The following CAPRIN1 variants were observed in gnomAD, a reference collection of about 807,000 sequenced individuals.
The protein encoded by CAPRIN1 is caprin-1.
CAPRIN1 carries 29 observed loss-of-function variants against 100.9 expected under a neutral mutation model. The observed-to-expected ratio is 0.29, with a 90% confidence interval of 0.21 to 0.39. The LOEUF is 0.39. CAPRIN1 is among the 10% of genes least tolerant of loss of function. The probability of loss-of-function intolerance (pLI) is 1.00; values close to 1 mark genes in which losing one functional copy is unlikely to be tolerated. For synonymous variants in CAPRIN1, 338 were observed against 307.5 expected (o/e 1.10, Z -1.04); for missense variants, 795 against 876.7 (o/e 0.91, Z 1.18).
chr11:34,075,847 A>T (rs1275396989), intron 4 of CAPRIN1, among the ~76,000 whole-genome samples: 1 of 152,252 alleles, frequency 6.6e-6, no homozygotes, highest in African/African-American at 2.4e-5. Flanking sequence ...ACCTAACTAA[A>T]GAAAACAATA....
chr11:34,085,456 A>G, intron 9 of CAPRIN1, among the ~76,000 whole-genome samples: 1 of 140,678 alleles, frequency 7.1e-6, no homozygotes, highest in Non-Finnish European at 1.7e-5. Flanking sequence ...TTTTAAGAAA[A>G]ATACATTATT....
chr11:34,083,296 A>ATT (rs776266744), intron 9 of CAPRIN1, among the ~76,000 whole-genome samples: 25 of 152,262 alleles, frequency 1.6e-4, no homozygotes, highest in Non-Finnish European at 2.9e-4. Context: ...TGTTACCATG[A>ATT]TTTGTCTCTT....
chr11:34,080,253 G>GT (rs1850999077), intron 7 of CAPRIN1, among the ~76,000 whole-genome samples: 2 of 152,138 alleles, frequency 1.3e-5, no homozygotes, highest in African/African-American at 2.4e-5. Flanking sequence ...ATTATCAAGA[G>GT]TAATTCCTAC....
chr11:34,084,102 GT>G (rs796818799), intron 9 of CAPRIN1, among the ~76,000 whole-genome samples: 28 of 146,802 alleles, frequency 1.9e-4, no homozygotes, highest in African/African-American at 3.2e-4. Context: ...AGATTGCAAA[GT>G]TTTTTTTTTT....
At chr11:34,058,432 C>T (rs775765452) in intron 2 of CAPRIN1, among the ~76,000 whole-genome samples, 6 of 152,208 alleles carry the variant, frequency 3.9e-5, no homozygotes, top group South Asian at 2.1e-4. Context: ...CCACCACACC[C>T]GGCCTCTTAA....
chr11:34,061,928 C>G (rs1160961454), intron 2 of CAPRIN1, among the ~76,000 whole-genome samples: 1 of 141,304 alleles, frequency 7.1e-6, no homozygotes, highest in Non-Finnish European at 1.5e-5. Flanking sequence ...CAAGATCGCA[C>G]CACTACACTC....
rs373621676 is a variant in CAPRIN1 at position 34,086,283 on chromosome 11, T to A, written c.1123-22T>A. On this transcript the variant is annotated intron_variant, in intron 10 of 18. Coordinates refer to ENST00000341394, the MANE Select transcript of CAPRIN1 (RefSeq NM_005898.5). ...AAGTGTTTATATTATTTGACTTTAT[T>A]CTATCCTAACTTAACCTGTAGGATT... The A allele has an allele frequency of 5.0e-6, 8 of 1,609,760 alleles. No individual in the cohort carries two copies. In the African/African-American group the frequency reaches 1.1e-4, roughly 22 times the overall value.
intron 2 of CAPRIN1, chr11:34,056,417 CTTAATG>C (rs1253853731): frequency 6.6e-6 from 1 of 152,146 alleles, no homozygotes; most frequent in African/African-American, 2.4e-5. Context: ...AATGCATGCT[CTTAATG>C]TTGATGAAAT....
chr11:34,095,468 C>G (rs1020329678), intron 15 of CAPRIN1, among the ~76,000 whole-genome samples: 1 of 152,202 alleles, frequency 6.6e-6, no homozygotes, highest in East Asian at 1.9e-4. Context: ...TAGGTATTCC[C>G]TAGTGCTTTC....
At position 34,071,932 on chromosome 11, in the gene CAPRIN1, A is replaced by G. The variant is rs1171566800; in HGVS notation, c.311A>G (p.Asn104Ser). 1 of 1,613,694 alleles carries G rather than the reference A, an allele frequency of 6.2e-7. No individual in the cohort carries two copies. Among genetic ancestry groups the G allele is most frequent in the Non-Finnish European group, 8.5e-7 (1 of 1,179,726 alleles). ...GTTTCTAAGTACCAGGAAGTCACAAATAATTTGGAGTTTGCAAAAGAATTA... is the reference window on the plus strand; with the variant it reads ...GTTTCTAAGTACCAGGAAGTCACAAGTAATTTGGAGTTTGCAAAAGAATTA... The part of the protein sequence containing the change: ...DAVSKYQEVT[N>S]NLEFAKELQR... Residue 104 changes from asparagine (N) to serine (S), a missense_variant, in exon 4 of 19, where the codon AAT becomes AGT. By Grantham distance (46) the Asn-to-Ser change is conservative. Around this residue, in one of 3 missense-constraint regions of CAPRIN1, gnomAD observed 38 missense variants for 92.3 expected, o/e 0.41. Coordinates refer to ENST00000341394, the MANE Select transcript of CAPRIN1 (RefSeq NM_005898.5).
rs921200862 is a variant in CAPRIN1 at position 34,072,098 on chromosome 11, A to G, written c.366+111A>G. 15 of 651,290 alleles carry G rather than the reference A, an allele frequency of 2.3e-5. No individual in the cohort carries two copies. In the East Asian group the frequency reaches 2.5e-4, roughly 11 times the overall value. 40.3% of individuals were successfully genotyped at this position (651,290 alleles called of 1,614,324 possible). On this transcript the variant is annotated intron_variant, in intron 4 of 18. Coordinates refer to ENST00000341394, the MANE Select transcript of CAPRIN1 (RefSeq NM_005898.5). ...CTGCAAGGTGAGACAGTTGTATCCA[A>G]TTATATCTAAGATGCCTTCACATTC...
chr11:34,099,212 C>T (rs1169847942), intron 18 of CAPRIN1, 91 bp from the exon 19 acceptor site: 1 of 1,552,582 alleles, frequency 6.4e-7, no homozygotes, highest in Non-Finnish European at 8.8e-7. Context: ...GACAGGCTGC[C>T]CACATGCTTC....
rs1851246192 is a variant in CAPRIN1, at chr11:34,090,686, A to G, written c.1554+8A>G. ...TTCCAATCCATGCAAACGGTAAGCA[A>G]ATTAACTAACATTAATTGCCTAGTA... On this transcript the variant is annotated splice_region_variant and intron_variant, in intron 14 of 18. Transcript: ENST00000341394. 5 of 1,610,476 alleles carry G rather than the reference A, an allele frequency of 3.1e-6. No individual in the cohort carries two copies. The South Asian group carries it at 3.3e-5, about 11-fold the overall frequency.
rs75537985 is a variant in CAPRIN1, at chr11:34,067,649, T to C, written c.217-4077T>C. Among the ~76,000 whole-genome samples the C allele has an allele frequency of 1.0e-2, 1,514 of 152,138 alleles. 13 individuals carry two copies. Among genetic ancestry groups the C allele is most frequent in the East Asian group, 0.038 (194 of 5,168 alleles). On this transcript the variant is annotated intron_variant, in intron 2 of 18. Transcript: ENST00000341394. ...GGACCATAGGCACTAAGTTAAAAAA[T>C]TTCCACGCCTCGGTAATTTTTAAAT... is the stretch of plus-strand genomic sequence containing the variant.
intron 2 of CAPRIN1, among the ~76,000 whole-genome samples, chr11:34,062,235 G>C (rs114553522): frequency 6.6e-6 from 1 of 152,162 alleles, no homozygotes; most frequent in Non-Finnish European, 1.5e-5. Flanking sequence ...GAGACAGTCA[G>C]CTGCCTACCA....
chr11:34,096,386 C>A, intron 15 of CAPRIN1, 93 bp from the exon 16 acceptor site: 2 of 784,912 alleles, frequency 2.5e-6, no homozygotes, highest in Non-Finnish European at 4.1e-6. Flanking sequence ...TTTAAGGAGA[C>A]TGTATAAGAC....
intron 11 of CAPRIN1, among the ~76,000 whole-genome samples, chr11:34,087,391 T>C (rs990643117): frequency 3.1e-5 from 4 of 131,022 alleles, no homozygotes; most frequent in African/African-American, 6.0e-5. Context: ...TGGAGTGCAG[T>C]GGCGCAATCT....
Position 34,076,655 on chromosome 11 carries a change from G to GTGAT in CAPRIN1, c.688+14_688+17dup. 1 of 1,551,512 alleles carries GTGAT rather than the reference G, an allele frequency of 6.4e-7. No individual in the cohort carries two copies. Among genetic ancestry groups the GTGAT allele is most frequent in the East Asian group, 2.2e-5 (1 of 44,584 alleles). ...TGTGGAACCACCTGTGAGTATCACT[G>GTGAT]TGATAACTTTGATTTTATAACTAGG... On this transcript the variant is annotated intron_variant, in intron 6 of 18. Transcript: ENST00000341394.
intron 2 of CAPRIN1, among the ~76,000 whole-genome samples, chr11:34,060,235 A>G (rs973755716): frequency 3.3e-5 from 5 of 151,656 alleles, no homozygotes; most frequent in African/African-American, 1.2e-4. Context: ...TAGCATTAGC[A>G]AGATATGTGA....
Sources: gnomAD v4.1 joint callset for allele counts (sites outside exome capture counted in the v4.1 genomes callset) on GRCh38, gnomAD v4.1.1 for gene constraint, gnomAD v4.1.1 regional missense constraint, MANE v1.5 for transcripts, NCBI Gene and HGNC (gene_info 2026-07-23, HGNC 2026-07-21) for gene names.